Variants in HIPK2 observed in about 807,000 individuals in gnomAD.
HIPK2 encodes homeodomain interacting protein kinase 2, also known as homeodomain-interacting protein kinase 2.
A neutral mutation model predicts 113.7 loss-of-function variants in HIPK2; 27 were observed. That is an observed-to-expected ratio of 0.24 (90% CI 0.17 to 0.33). The LOEUF (loss-of-function observed/expected upper bound fraction) is 0.33, where lower values mean the gene tolerates loss of function less well. HIPK2 is among the 10% of genes least tolerant of loss of function. The pLI, the probability that HIPK2 is intolerant of heterozygous loss-of-function variation, is 1.00. For synonymous variants in HIPK2, 631 were observed against 642.2 expected (o/e 0.98, Z 0.26); for missense variants, 1,257 against 1,588.0 (o/e 0.79, Z 3.54).
chr7:139,695,837 G>C (rs1342237502), intron 2 of HIPK2, among the ~76,000 whole-genome samples: 1 of 152,206 alleles, frequency 6.6e-6, no homozygotes, highest in Non-Finnish European at 1.5e-5. Flanking sequence ...GCTTAACTGT[G>C]ATCAGAGTGA....
At chr7:139,746,244 G>A (rs566206553) in intron 1 of HIPK2, among the ~76,000 whole-genome samples, 11 of 152,250 alleles carry the variant, frequency 7.2e-5, no homozygotes, top group Admixed American at 3.3e-4. Flanking sequence ...TCCCCCAGCC[G>A]GGCCTTGTGC....
chr7:139,617,927 A>T (rs986460205), intron 7 of HIPK2, among the ~76,000 whole-genome samples: 6 of 152,244 alleles, frequency 3.9e-5, no homozygotes, highest in African/African-American at 1.4e-4. Flanking sequence ...TGAACAGAAG[A>T]AGTCTTGTTG....
chr7:139,629,621 G>T (rs187775827), intron 4 of HIPK2, among the ~76,000 whole-genome samples: 77 of 152,342 alleles, frequency 5.1e-4, no homozygotes, highest in Admixed American at 1.1e-3. Flanking sequence ...TGGCTGGGCT[G>T]CCCCTCTATT....
At chr7:139,706,308 C>T (rs1794897331) in intron 2 of HIPK2, among the ~76,000 whole-genome samples, 1 of 152,018 alleles carries the variant, frequency 6.6e-6, no homozygotes, top group Admixed American at 6.5e-5. Context: ...AGCGGGCGGC[C>T]CCTGTGATTC....
intron 14 of HIPK2, 42 bp from the exon 15 acceptor site, chr7:139,573,439 C>A: frequency 6.3e-7 from 1 of 1,575,404 alleles, no homozygotes; most frequent in Non-Finnish European, 8.6e-7. Flanking sequence ...GGGGCCGACA[C>A]ATGGGGAGGA....
At chr7:139,743,152 G>GGGACCCTGCC (rs1796133359) in intron 1 of HIPK2, among the ~76,000 whole-genome samples, 1 of 152,114 alleles carries the variant, frequency 6.6e-6, no homozygotes, top group South Asian at 2.1e-4. Context: ...GGAGGAACAG[G>GGGACCCTGCC]GGACCCTGCC....
chr7:139,636,095 G>A (rs1800803456), intron 2 of HIPK2, among the ~76,000 whole-genome samples: 1 of 152,190 alleles, frequency 6.6e-6, no homozygotes, highest in African/African-American at 2.4e-5. Context: ...GATCAGCAGT[G>A]ATCTCCACGC....
intron 12 of HIPK2, among the ~76,000 whole-genome samples, chr7:139,596,483 T>C (rs1799218071): frequency 6.6e-6 from 1 of 152,260 alleles, no homozygotes; most frequent in African/African-American, 2.4e-5. Context: ...GTATAGGGCC[T>C]ATAATTATCT....
chr7:139,666,493 T>C (rs1802053682), intron 2 of HIPK2, among the ~76,000 whole-genome samples: 2 of 152,166 alleles, frequency 1.3e-5, no homozygotes, highest in Admixed American at 1.3e-4. Context: ...CCTTGGGGCT[T>C]TAAGTACTCA....
intron 1 of HIPK2, among the ~76,000 whole-genome samples, chr7:139,744,050 C>T (rs1043084389): frequency 6.6e-6 from 1 of 152,092 alleles, no homozygotes; most frequent in Non-Finnish European, 1.5e-5. Flanking sequence ...TAGGGAAATG[C>T]AAATCAAAAA....
chr7:139,739,867 C>A (rs1222650112), intron 1 of HIPK2, among the ~76,000 whole-genome samples: 2 of 152,218 alleles, frequency 1.3e-5, no homozygotes, highest in Non-Finnish European at 2.9e-5. Context: ...AAGGTTTACT[C>A]ATGTGGTAGC....
intron 2 of HIPK2, among the ~76,000 whole-genome samples, chr7:139,676,040 G>A (rs750916212): frequency 9.2e-5 from 14 of 152,132 alleles, no homozygotes; most frequent in Non-Finnish European, 1.8e-4. Context: ...AGTATGCATC[G>A]TCACTTTGCA....
intron 2 of HIPK2, among the ~76,000 whole-genome samples, chr7:139,692,497 C>A (rs1031347647): frequency 6.6e-6 from 1 of 152,172 alleles, no homozygotes; most frequent in African/African-American, 2.4e-5. Context: ...AGGACAGGTT[C>A]TTTTCCTGTG....
rs1018204083 is a variant in HIPK2, at chr7:139,670,326, G to A, written c.1104-38601C>T. The stretch of plus-strand genomic sequence containing the variant: ...TGGCTGGGGATGGTGGCTCACACCT[G>A]TGACCCCAGCATTGTGGTAGGCTGA... On this transcript the variant is annotated intron_variant, in intron 2 of 14. Transcript: ENST00000406875. Among the ~76,000 whole-genome samples, 5 of 152,074 alleles carry A rather than the reference G, an allele frequency of 3.3e-5. No homozygotes were observed. The East Asian group carries it at 7.7e-4, about 23-fold the overall frequency.
chr7:139,677,130 G>A (rs1046757320), intron 2 of HIPK2, among the ~76,000 whole-genome samples: 2 of 151,756 alleles, frequency 1.3e-5, no homozygotes, highest in Non-Finnish European at 2.9e-5. Context: ...CAAAGTGCTG[G>A]GATTACAGGC....
chr7:139,646,279 T>C (rs960868515), intron 2 of HIPK2, among the ~76,000 whole-genome samples: 4 of 152,046 alleles, frequency 2.6e-5, no homozygotes, highest in African/African-American at 9.7e-5. Flanking sequence ...GAGGATCACT[T>C]GAGGCCAGGA....
chr7:139,725,146 G>GAATC (rs1264494891), intron 1 of HIPK2, among the ~76,000 whole-genome samples: 3 of 152,344 alleles, frequency 2.0e-5, no homozygotes, highest in Non-Finnish European at 4.4e-5. Flanking sequence ...AAGGAGCTTA[G>GAATC]AATCTCATGG....
rs912132876 is a variant in HIPK2 at position 139,631,498 on chromosome 7, T to C, written c.1227+104A>G. On this transcript the variant is annotated intron_variant, in intron 3 of 14. Coordinates refer to ENST00000406875, the MANE Select transcript of HIPK2 (RefSeq NM_022740.5). This position sits in a 1 kb window ranked among gnomAD's most constrained non-coding sequence, Gnocchi z 4.9. The stretch of plus-strand genomic sequence containing the variant: ...CAAGGTTTGGGAGACAACGTGACAT[T>C]CCACAGTCCCGCCCATTTGTCATGT... 1 of 1,506,528 alleles carries C rather than the reference T, an allele frequency of 6.6e-7. No homozygotes were observed. The highest frequency in any genetic ancestry group is 8.9e-7 in the Non-Finnish European group (1 of 1,126,140). 93.3% of individuals were successfully genotyped at this position (1,506,528 alleles called of 1,614,324 possible). A position where few individuals can be genotyped will look rare whatever the true frequency, so the allele number is the denominator to read the frequency against.
chr7:139,590,104 T>C (rs558964792), intron 12 of HIPK2, among the ~76,000 whole-genome samples: 1 of 152,344 alleles, frequency 6.6e-6, no homozygotes, highest in South Asian at 2.1e-4. Flanking sequence ...TTTAGGCTCG[T>C]ATCTATCGAT....
Sources: gnomAD v4.1 joint callset for allele counts (sites outside exome capture counted in the v4.1 genomes callset) on GRCh38, gnomAD v4.1.1 for gene constraint, Gnocchi (gnomAD v3.1) non-coding constraint, MANE v1.5 for transcripts, NCBI Gene and HGNC (gene_info 2026-07-23, HGNC 2026-07-21) for gene names.